TBC1D8: variants seen among roughly 807,000 people sequenced by gnomAD.
The protein encoded by TBC1D8 is TBC1 domain family member 8, also known as BUB2-like protein 1.
Under a neutral mutation model 118.8 loss-of-function variants are expected in TBC1D8, and 65 were observed. The ratio of observed to expected loss-of-function variants is 0.55; its 90% CI spans 0.45 to 0.67. The LOEUF is 0.67. Among genes scored for constraint, TBC1D8 ranks in the 30% least tolerant of loss-of-function variants. The pLI is 0.00. For missense variants in TBC1D8, 1,376 were observed against 1,471.2 expected (o/e 0.94, Z 1.06); for synonymous variants, 566 against 595.8 (o/e 0.95, Z 0.73).
At position 101,050,426 on chromosome 2, in the gene TBC1D8, G is replaced by T; in HGVS notation, c.847C>A (p.Gln283Lys). The T allele has an allele frequency of 6.2e-7, 1 of 1,613,526 alleles. No individual in the cohort carries two copies. Among genetic ancestry groups the T allele is most frequent in the Non-Finnish European group, 8.5e-7 (1 of 1,179,882 alleles). ...CTCTTGGTGATCTGGCTCGGCTCCT[G>T]CAGATCGGGGTCGAGGTCAAAGACC... ...NEVFDLDPDL[Q>K]EPSQITKRDL... Residue 283 changes from glutamine to lysine, a missense_variant, in exon 5 of 20, where the codon CAG becomes AAG. By Grantham distance (53) the Gln-to-Lys change is moderately conservative. Transcript: ENST00000409318.
Position 101,033,335 on chromosome 2 carries a change from G to A in TBC1D8, c.1818+209C>T, listed in dbSNP as rs576973991. ...TCACCATGTTGGCCAGGATGGTCTCGATCTCCTGACCTCATGATCCGTTGA... is the reference window on the plus strand; with the variant it reads ...TCACCATGTTGGCCAGGATGGTCTCAATCTCCTGACCTCATGATCCGTTGA... On this transcript the variant is annotated intron_variant, in intron 10 of 19. Transcript: ENST00000409318. The A allele has an allele frequency of 1.0e-5, 7 of 674,040 alleles. 1 individual carries two copies. The highest frequency in any genetic ancestry group is 3.2e-5 in the South Asian group (2 of 62,860). The allele number at this position is 674,040 out of a possible 1,614,324, so 41.8% of individuals were successfully genotyped here.
Position 101,038,612 on chromosome 2 carries a change from T to A in TBC1D8, c.1124A>T (p.His375Leu). 1 of 1,613,988 alleles carries A rather than the reference T, an allele frequency of 6.2e-7. No individual in the cohort carries two copies. Among genetic ancestry groups the A allele is most frequent in the South Asian group, 1.1e-5 (1 of 91,078 alleles). The change falls in exon 7 of 20, where the codon CAT becomes CTT. Residue 375 changes from histidine (H) to leucine (L), a missense_variant. Coordinates refer to ENST00000409318, the MANE Select transcript of TBC1D8 (RefSeq NM_001330348.2). ...EKMEDTSLLP[H>L]PIIVSIRSKV... is the part of the protein sequence containing the mutation. ...GCTTCTGATACTGACAATGATGGGA[T>A]GCGGCAGCAGGCTCGTGTCCTCCAT...
intron 1 of TBC1D8, among the ~76,000 whole-genome samples, chr2:101,149,773 C>T (rs1030650963): frequency 3.3e-5 from 5 of 152,198 alleles, no homozygotes; most frequent in African/African-American, 1.2e-4. Context: ...CGTCACGGGG[C>T]CCAACAAGGC....
At chr2:101,043,252 A>C (rs1357899905) in intron 5 of TBC1D8, among the ~76,000 whole-genome samples, 1 of 152,176 alleles carries the variant, frequency 6.6e-6, no homozygotes, top group Non-Finnish European at 1.5e-5. Flanking sequence ...CAGGAAAAGC[A>C]CCATAAACGC....
At chr2:101,075,194 T>C (rs867903674) in intron 2 of TBC1D8, among the ~76,000 whole-genome samples, 1 of 152,100 alleles carries the variant, frequency 6.6e-6, no homozygotes, top group Middle Eastern at 3.4e-3. Context: ...GTCAGGAGTT[T>C]GAGACCAGCC....
intron 6 of TBC1D8, among the ~76,000 whole-genome samples, chr2:101,039,494 A>G (rs1442564813): frequency 6.6e-6 from 1 of 152,128 alleles, no homozygotes; most frequent in Non-Finnish European, 1.5e-5. Context: ...TTTTCCAAAG[A>G]AGAATGCTCA....
chr2:101,127,386 A>G (rs1321763845), intron 1 of TBC1D8, among the ~76,000 whole-genome samples: 1 of 151,912 alleles, frequency 6.6e-6, no homozygotes, highest in Non-Finnish European at 1.5e-5. Context: ...ATATGGCCCT[A>G]AAGATCTTAG....
chr2:101,055,643 G>A (rs1180504403), intron 3 of TBC1D8, among the ~76,000 whole-genome samples: 2 of 152,172 alleles, frequency 1.3e-5, no homozygotes, highest in East Asian at 3.8e-4. Context: ...GGTGGTAGAA[G>A]GGCCTAGAAT....
chr2:101,014,850 T>C (rs192309385), intron 17 of TBC1D8, among the ~76,000 whole-genome samples: 2 of 152,326 alleles, frequency 1.3e-5, no homozygotes, highest in East Asian at 3.9e-4. Flanking sequence ...ACTTCTCTCT[T>C]AGACAACCAG....
intron 1 of TBC1D8, among the ~76,000 whole-genome samples, chr2:101,114,761 G>A (rs1677745089): frequency 2.0e-5 from 3 of 152,206 alleles, no homozygotes; most frequent in South Asian, 2.1e-4. Flanking sequence ...TACTAAAAGT[G>A]TACTCTCAGA....
chr2:101,014,831 G>C (rs538149729), intron 17 of TBC1D8, among the ~76,000 whole-genome samples: 100 of 152,324 alleles, frequency 6.6e-4, no homozygotes, highest in Admixed American at 1.2e-3. Context: ...GGTATAACTT[G>C]AGTGCCAAAC....
At chr2:101,100,147 G>A (rs1676733712) in intron 1 of TBC1D8, among the ~76,000 whole-genome samples, 1 of 152,038 alleles carries the variant, frequency 6.6e-6, no homozygotes. Context: ...TGAACTGAGA[G>A]GTAACATCAG....
At chr2:101,142,883 T>C (rs546175880) in intron 1 of TBC1D8, among the ~76,000 whole-genome samples, 2 of 152,088 alleles carry the variant, frequency 1.3e-5, no homozygotes, top group Non-Finnish European at 2.9e-5. Context: ...ATACTCTTAT[T>C]TTTTTACTTA....
chr2:101,028,057 C>T lies in TBC1D8; in HGVS notation c.2442G>A (p.Lys814=). 6.2e-7 allele frequency: 1 copy of T among 1,614,040 alleles called. No homozygotes were observed. The highest frequency in any genetic ancestry group is 8.5e-7 in the Non-Finnish European group (1 of 1,179,892). ...GGCGTCTGCTACCCACCACGTTCTG[C>T]TTTGTGGTGTCCTCGTGGCCTTGGA... The part of the protein sequence containing the change: ...RVLQGHEDTT[K]QNVLRVVIPE... Residue 814 remains lysine, a synonymous_variant, in exon 14 of 20, where the codon AAG becomes AAA. Transcript: ENST00000409318.
At chr2:101,096,419 CAAAA>C (rs55824667) in intron 1 of TBC1D8, among the ~76,000 whole-genome samples, 17 of 43,738 alleles carry the variant, frequency 3.9e-4, no homozygotes, top group South Asian at 1.1e-3. Flanking sequence ...TGGCTTTTGA[CAAAA>C]AAAAAAAAAA....
In TBC1D8 at chr2:101,033,733, G is replaced by C. The variant is rs371947230; in HGVS notation, c.1629C>G (p.His543Gln). Residue 543 changes from histidine to glutamine, a missense_variant, in exon 10 of 20, where the codon CAC (histidine) becomes CAG (glutamine). His to Gln is a conservative substitution (Grantham distance 24). Transcript: ENST00000409318. ...FSDAVTDLAS[H>Q]PGYYGNLVEE... ...CCACCAGATTCCCGTAGTAACCAGG[G>C]TGTGAGGCAAGATCCGTCACCGCAT... The C allele has an allele frequency of 6.2e-7, 1 of 1,613,568 alleles. No individual in the cohort carries two copies. Among genetic ancestry groups the C allele is most frequent in the South Asian group, 1.1e-5 (1 of 91,072 alleles).
intron 2 of TBC1D8, among the ~76,000 whole-genome samples, chr2:101,078,185 A>G (rs1322527115): frequency 1.3e-5 from 2 of 151,912 alleles, no homozygotes; most frequent in Non-Finnish European, 2.9e-5. Flanking sequence ...GAGTAACACA[A>G]CTCCAGTCTT....
intron 6 of TBC1D8, among the ~76,000 whole-genome samples, chr2:101,038,926 C>T (rs1681210470): frequency 6.6e-6 from 1 of 152,210 alleles, no homozygotes; most frequent in African/African-American, 2.4e-5. Context: ...ACAGAGGCTC[C>T]AGCATGGATG....
At chr2:101,050,904 C>G (rs993737516) in intron 4 of TBC1D8, among the ~76,000 whole-genome samples, 1 of 152,216 alleles carries the variant, frequency 6.6e-6, no homozygotes, top group Non-Finnish European at 1.5e-5. Context: ...GATCTTCTCC[C>G]TCCTCCCACC....
Sources: gnomAD v4.1 joint callset for allele counts (sites outside exome capture counted in the v4.1 genomes callset) on GRCh38, gnomAD v4.1.1 for gene constraint, MANE v1.5 for transcripts, NCBI Gene and HGNC (gene_info 2026-07-23, HGNC 2026-07-21) for gene names.